Variants in SLIT3 observed in about 807,000 individuals in gnomAD.
SLIT3 encodes slit homolog 3 protein.
SLIT3 carries 68 observed loss-of-function variants against 184.0 expected under a neutral mutation model. That is an observed-to-expected ratio of 0.37 (90% CI 0.30 to 0.45). SLIT3 has a LOEUF of 0.45. SLIT3 is among the 20% of genes least tolerant of loss of function. The pLI, the probability that SLIT3 is intolerant of heterozygous loss-of-function variation, is 1.00. For missense variants in SLIT3, 1,707 were observed against 2,026.0 expected (o/e 0.84, Z 3.02); for synonymous variants, 831 against 828.6 (o/e 1.00, Z -0.05).
intron 4 of SLIT3, among the ~76,000 whole-genome samples, chr5:168,958,139 C>T (rs1314924213): frequency 6.6e-6 from 1 of 151,970 alleles, no homozygotes; most frequent in Non-Finnish European, 1.5e-5. Context: ...ATATGGTGAC[C>T]CTATAAACCA....
chr5:168,666,305 T>TTTA lies in SLIT3; in HGVS notation c.*146_*148dup. 1.4e-6 allele frequency: 1 copy of TTTA among 690,350 alleles called. No homozygotes were observed. The allele number at this position is 690,350 out of a possible 1,614,324, so 42.8% of individuals were successfully genotyped here. Reference sequence around the variant, plus strand: ...TAATAAAAATAAGTTCTATTTTTTGTTTATTTTACAATATACTTAATATTC... The same window carrying TTTA: ...TAATAAAAATAAGTTCTATTTTTTGTTTATTATTTTACAATATACTTAATATTC... On this transcript the variant is annotated 3_prime_UTR_variant, in exon 36 of 36. Coordinates refer to ENST00000519560, the MANE Select transcript of SLIT3 (RefSeq NM_003062.4).
chr5:168,773,009 C>G (rs899900070), intron 13 of SLIT3, 65 bp from the exon 14 acceptor site: 20 of 1,480,962 alleles, frequency 1.4e-5, no homozygotes. Flanking sequence ...CACCACCACC[C>G]TGCCTCGCGC....
chr5:168,709,135 G>A (rs1462398281), intron 25 of SLIT3, among the ~76,000 whole-genome samples: 1 of 145,834 alleles, frequency 6.9e-6, no homozygotes, highest in Non-Finnish European at 1.5e-5. Context: ...GTCTCACTCT[G>A]TTGCCCAGGC....
Position 168,952,036 on chromosome 5 carries a change from C to G in SLIT3, c.414-68700G>C, listed in dbSNP as rs570318710. Among the ~76,000 whole-genome samples, 51 of 152,272 alleles carry G rather than the reference C, an allele frequency of 3.3e-4. No individual in the cohort carries two copies. The East Asian group carries it at 9.7e-3, about 29-fold the overall frequency. On this transcript the variant is annotated intron_variant, in intron 4 of 35. Coordinates refer to ENST00000519560, the MANE Select transcript of SLIT3 (RefSeq NM_003062.4). ...GCTGCTCAAGCCTGTCTTGAATCTT[C>G]TAGAGTTTCCTGGGGAAGTAGGAGG...
chr5:169,157,770 T>C (rs1476132375), intron 4 of SLIT3, among the ~76,000 whole-genome samples: 1 of 152,148 alleles, frequency 6.6e-6, no homozygotes, highest in Non-Finnish European at 1.5e-5. Flanking sequence ...AATGTTTTTA[T>C]GAACAATAAG....
In SLIT3 at chr5:168,941,504, T is replaced by C. The variant is rs927805602; in HGVS notation, c.414-58168A>G. ...TACATAGTACATGTTCAAGGACCTA[T>C]AGCTGATATTATTTCTGCACCGTAC... On this transcript the variant is annotated intron_variant, in intron 4 of 35. Coordinates refer to ENST00000519560, the MANE Select transcript of SLIT3 (RefSeq NM_003062.4). 3.9e-5 allele frequency among the ~76,000 whole-genome samples: 6 copies of C among 152,344 alleles called. No individual in the cohort carries two copies. In the East Asian group the frequency reaches 1.2e-3, roughly 29 times the overall value.
chr5:169,034,454 C>T (rs61649981), intron 4 of SLIT3, among the ~76,000 whole-genome samples: 16,183 of 152,144 alleles, frequency 0.11, 1,126 homozygotes, highest in East Asian at 0.42. Context: ...GGTCCAATTT[C>T]GTTCTTTTAC....
intron 6 of SLIT3, among the ~76,000 whole-genome samples, chr5:168,835,422 G>T (rs149228015): frequency 6.6e-6 from 1 of 151,566 alleles, no homozygotes; most frequent in Admixed American, 6.6e-5. Flanking sequence ...ATATGACCTT[G>T]GAGAAATGGA....
At chr5:168,847,900 C>A (rs1758532799) in intron 5 of SLIT3, among the ~76,000 whole-genome samples, 1 of 152,068 alleles carries the variant, frequency 6.6e-6, no homozygotes, top group Non-Finnish European at 1.5e-5. Flanking sequence ...CTTCAAAGAC[C>A]CTCTCAAAAA....
chr5:169,207,501 A>T (rs1373643000), intron 3 of SLIT3, among the ~76,000 whole-genome samples: 3 of 152,156 alleles, frequency 2.0e-5, no homozygotes, highest in African/African-American at 7.2e-5. Flanking sequence ...TACCTAACAC[A>T]AATAACATAT....
rs1767676905 is a variant in SLIT3 at position 169,301,072 on chromosome 5, C to A, written c.-363G>T. The A allele has an allele frequency of 6.5e-6, 1 of 153,310 alleles. No homozygotes were observed. Among genetic ancestry groups the A allele is most frequent in the Non-Finnish European group, 1.5e-5 (1 of 68,764 alleles). The allele number at this position is 153,310 out of a possible 1,614,324, so 9.5% of individuals were successfully genotyped here. ...TCCGGCTTGGGGCTGGGCTGGGGAGCGCGGCGGCTGCGGCTGGGGCACGGG... is the reference window on the plus strand; with the variant it reads ...TCCGGCTTGGGGCTGGGCTGGGGAGAGCGGCGGCTGCGGCTGGGGCACGGG... On this transcript the variant is annotated 5_prime_UTR_variant, in exon 1 of 36. Transcript: ENST00000519560.
intron 4 of SLIT3, among the ~76,000 whole-genome samples, chr5:169,097,960 G>A (rs1421512682): frequency 3.3e-5 from 5 of 152,102 alleles, no homozygotes; most frequent in Non-Finnish European, 7.4e-5. Context: ...CTGAAGCAGG[G>A]GCTATTCAAA....
chr5:168,759,012 T>C (rs1755047431), intron 16 of SLIT3, among the ~76,000 whole-genome samples: 1 of 152,216 alleles, frequency 6.6e-6, no homozygotes, highest in Non-Finnish European at 1.5e-5. Context: ...TCAGGCTGTG[T>C]ATATGGTGTA....
At chr5:169,243,257 A>G (rs1765463648) in intron 3 of SLIT3, among the ~76,000 whole-genome samples, 1 of 152,204 alleles carries the variant, frequency 6.6e-6, no homozygotes, top group Non-Finnish European at 1.5e-5. Context: ...AGGCTAAGCA[A>G]GGGGTGGCCT....
In SLIT3 at chr5:169,104,776, A is replaced by C. The variant is rs150769292; in HGVS notation, c.413+88703T>G. Among the ~76,000 whole-genome samples the C allele has an allele frequency of 4.5e-3, 680 of 152,322 alleles. 6 individuals are homozygous for C. Among genetic ancestry groups the C allele is most frequent in the African/African-American group, 0.016 (646 of 41,576 alleles). On this transcript the variant is annotated intron_variant, in intron 4 of 35. Coordinates refer to ENST00000519560, the MANE Select transcript of SLIT3 (RefSeq NM_003062.4). Reference sequence around the variant, plus strand: ...GAACCAGACAAGGTTGTCATACCCCATTCAAGAATCAGCAGCTCAAAAGAA... The same window carrying C: ...GAACCAGACAAGGTTGTCATACCCCCTTCAAGAATCAGCAGCTCAAAAGAA...
intron 3 of SLIT3, among the ~76,000 whole-genome samples, chr5:169,211,443 C>T (rs1451445407): frequency 6.6e-6 from 1 of 152,130 alleles, no homozygotes; most frequent in East Asian, 1.9e-4. Flanking sequence ...TAAGTGCTTA[C>T]AATGGGCCAT....
intron 4 of SLIT3, among the ~76,000 whole-genome samples, chr5:169,009,020 G>A (rs138126033): frequency 6.6e-6 from 1 of 152,196 alleles, no homozygotes; most frequent in African/African-American, 2.4e-5. Flanking sequence ...TGGTCGGGCT[G>A]GGATTTGAAC....
At chr5:168,705,446 T>C (rs1561884183) in intron 26 of SLIT3, among the ~76,000 whole-genome samples, 1 of 152,148 alleles carries the variant, frequency 6.6e-6, no homozygotes, top group Non-Finnish European at 1.5e-5. Flanking sequence ...GTTATCATCA[T>C]CATCACCACC....
chr5:169,055,676 T>C (rs76861805), intron 4 of SLIT3, among the ~76,000 whole-genome samples: 41 of 152,072 alleles, frequency 2.7e-4, no homozygotes, highest in East Asian at 2.3e-3. Flanking sequence ...CCATCTCTAC[T>C]AAAAATACAA....
Sources: allele counts gnomAD v4.1 joint callset (sites outside exome capture counted in the v4.1 genomes callset), GRCh38; gene constraint gnomAD v4.1.1; transcripts MANE v1.5; gene names NCBI Gene and HGNC (gene_info 2026-07-23, HGNC 2026-07-21).